The following CPLX1 variants were observed in gnomAD, a reference collection of about 807,000 sequenced individuals.
The protein encoded by CPLX1 is complexin-1.
In CPLX1, 6 loss-of-function variants were observed where a neutral mutation model predicts 15.6. The ratio of observed to expected loss-of-function variants is 0.39; its 90% confidence interval spans 0.21 to 0.76. CPLX1 has a LOEUF of 0.76. Among genes scored for constraint, CPLX1 ranks in the 30% least tolerant of loss-of-function variants. CPLX1 has a pLI of 0.43. For missense variants in CPLX1, 242 were observed against 188.6 expected, an observed-to-expected ratio of 1.28 and a Z score of -1.66; for synonymous variants, 91 against 75.2, an observed-to-expected ratio of 1.21 and a Z score of -1.08.
chr4:808,640 C>T (rs1746601118), intron 2 of CPLX1, among the ~76,000 whole-genome samples: 1 of 152,192 alleles, frequency 6.6e-6, no homozygotes, highest in Non-Finnish European at 1.5e-5. Context: ...CATCAGGCAG[C>T]TGCTCAGAGT....
chr4:803,295 A>ACAGT (rs971271125), intron 2 of CPLX1, among the ~76,000 whole-genome samples: 3 of 152,222 alleles, frequency 2.0e-5, no homozygotes, highest in Non-Finnish European at 4.4e-5. Context: ...AAGATAAGAC[A>ACAGT]CAGTCATGTG....
chr4:809,309 A>G (rs1012816542), intron 2 of CPLX1, among the ~76,000 whole-genome samples: 2 of 152,222 alleles, frequency 1.3e-5, no homozygotes, highest in Non-Finnish European at 2.9e-5. Flanking sequence ...GCAGGAGTGC[A>G]CGGGGTGGGG....
chr4:808,975 G>A (rs971161225), intron 2 of CPLX1, among the ~76,000 whole-genome samples: 4 of 152,270 alleles, frequency 2.6e-5, no homozygotes, highest in African/African-American at 9.6e-5. Flanking sequence ...CCAAAAATTG[G>A]TGGAGAGATA....
At chr4:825,876 G>A (rs1338380970) in intron 1 of CPLX1, among the ~76,000 whole-genome samples, 170 bp downstream of exon 1, 1 of 141,584 alleles carries the variant, frequency 7.1e-6, no homozygotes, top group African/African-American at 2.6e-5. Context: ...GAGGCCGGGG[G>A]GAGGAGCTGG....
At position 786,650 on chromosome 4, in the gene CPLX1, T is replaced by C. The variant is rs1212267340; in HGVS notation, c.256A>G (p.Met86Val). The C allele has an allele frequency of 3.7e-6, 6 of 1,608,862 alleles. No individual in the cohort carries two copies. The African/African-American group carries it at 5.4e-5, about 14-fold the overall frequency. ...EEREAEAQAAMEANSEGSLTR... is the reference protein window; with the variant it reads ...EEREAEAQAAVEANSEGSLTR... The stretch of plus-strand genomic sequence containing the variant: ...AAGCTCCCCTCGGAGTTGGCCTCCA[T>C]GGCGGCCTGGGCCTCGGCCTCGCGC... The change falls in exon 4 of 4, where the codon ATG becomes GTG. Residue 86 changes from methionine to valine, a missense_variant. Transcript: ENST00000304062.
chr4:796,742 C>T (rs927345936), intron 2 of CPLX1, among the ~76,000 whole-genome samples: 3 of 152,224 alleles, frequency 2.0e-5, no homozygotes, highest in African/African-American at 4.8e-5. Context: ...CGTCCATCCT[C>T]CCCAAACTCC....
rs749958304 is a variant in CPLX1, at chr4:786,597, C to G, written c.309G>C (p.Pro103=). 1.5e-5 allele frequency: 24 copies of G among 1,612,126 alleles called. No individual in the cohort carries two copies. In the South Asian group the frequency reaches 2.4e-4, roughly 16 times the overall value. ...SLTRPKKAIP[P]GCGDEVEEED... ...CCTCCTCCACCTCGTCCCCGCAGCC[C>G]GGCGGGATGGCCTTCTTGGGCCGCG... Residue 103 remains proline (P), a synonymous_variant, in exon 4 of 4, where the codon CCG becomes CCC. Transcript: ENST00000304062.
rs372963634 is a variant in CPLX1 at position 792,466 on chromosome 4, C to T, written c.174G>A (p.Glu58=). The T allele has an allele frequency of 8.7e-6, 14 of 1,609,688 alleles. No homozygotes were observed. Among genetic ancestry groups the T allele is most frequent in the East Asian group, 2.2e-5 (1 of 44,690 alleles). ...RKAKYAKMEA[E]REAVRQGIRD... ...GGATGCCCTGGCGCACGGCCTCGCG[C>T]TCCGCCTCCATCTTGGCGTACTTGG... The change falls in exon 3 of 4, where the codon GAG becomes GAA. Residue 58 remains glutamate (E), a synonymous_variant. Transcript: ENST00000304062.
intron 2 of CPLX1, among the ~76,000 whole-genome samples, chr4:797,751 A>G (rs949946883): frequency 3.3e-5 from 5 of 151,394 alleles, no homozygotes; most frequent in Non-Finnish European, 5.9e-5. Flanking sequence ...GGCTAACACA[A>G]TGAGACCCCG....
At position 792,547 on chromosome 4, in the gene CPLX1, G is replaced by C. The variant is rs763262947; in HGVS notation, c.93C>G (p.Ala31=). 1.2e-6 allele frequency: 2 copies of C among 1,613,296 alleles called. No individual in the cohort carries two copies. The highest frequency in any genetic ancestry group is 2.2e-5 in the South Asian group (2 of 91,046). ...CCTCCTGCCGCTCCTCCTCCTTCTTGGCGGCGTCTGGGTCCTTCTCCTCGT... is the reference window on the plus strand; with the variant it reads ...CCTCCTGCCGCTCCTCCTCCTTCTTCGCGGCGTCTGGGTCCTTCTCCTCGT... ...GGDEEKDPDA[A]KKEEERQEAL... The change falls in exon 3 of 4, where the codon GCC becomes GCG. Residue 31 remains alanine, a synonymous_variant. Transcript: ENST00000304062.
chr4:818,838 C>T (rs1456251566), intron 2 of CPLX1, among the ~76,000 whole-genome samples: 1 of 152,252 alleles, frequency 6.6e-6, no homozygotes, highest in African/African-American at 2.4e-5. Flanking sequence ...GCAAGGACAG[C>T]AGTGCCCGCG....
intron 2 of CPLX1, among the ~76,000 whole-genome samples, chr4:803,711 T>C (rs1310172859): frequency 6.6e-6 from 1 of 150,978 alleles, no homozygotes; most frequent in Non-Finnish European, 1.5e-5. Flanking sequence ...AGACCTGTTG[T>C]CCAGACTGGA....
intron 2 of CPLX1, among the ~76,000 whole-genome samples, chr4:821,420 C>A (rs1252138094): frequency 6.6e-6 from 1 of 152,204 alleles, no homozygotes; most frequent in Non-Finnish European, 1.5e-5. Flanking sequence ...CCCCGGCCCG[C>A]CTGCCCCACA....
At chr4:820,925 C>A (rs1042881451) in intron 2 of CPLX1, among the ~76,000 whole-genome samples, 5 of 152,192 alleles carry the variant, frequency 3.3e-5, no homozygotes, top group African/African-American at 7.2e-5. Flanking sequence ...GGCTCTCCCA[C>A]ACGGTGGAAC....
At chr4:787,467 A>C (rs1420587736) in intron 3 of CPLX1, 2 of 862,478 alleles carry the variant, frequency 2.3e-6, no homozygotes, top group Non-Finnish European at 2.8e-6. Context: ...TTGATCTCAT[A>C]ATGGTAAGGA....
intron 3 of CPLX1, among the ~76,000 whole-genome samples, chr4:791,601 G>A (rs1577470046): frequency 6.6e-6 from 1 of 152,188 alleles, no homozygotes; most frequent in African/African-American, 2.4e-5. Context: ...CAGCAGGGAG[G>A]GGTCCCGGGA....
chr4:824,573 G>T lies in CPLX1; in HGVS notation c.-51C>A, dbSNP rs755593075. On this transcript the variant is annotated 5_prime_UTR_variant, in exon 2 of 4. Coordinates refer to ENST00000304062, the MANE Select transcript of CPLX1 (RefSeq NM_006651.4). ...CTCCTCCAGGGGTCAGAACTCACACGCAAGTATGGCCGGGAGCGAGTGTTC... is the reference window on the plus strand; with the variant it reads ...CTCCTCCAGGGGTCAGAACTCACACTCAAGTATGGCCGGGAGCGAGTGTTC... The T allele has an allele frequency of 3.8e-6, 6 of 1,593,752 alleles. No homozygotes were observed. The highest frequency in any genetic ancestry group is 5.2e-6 in the Non-Finnish European group (6 of 1,162,664).
chr4:801,723 GAC>G (rs1316886954), intron 2 of CPLX1, among the ~76,000 whole-genome samples: 1 of 152,236 alleles, frequency 6.6e-6, no homozygotes, highest in Non-Finnish European at 1.5e-5. Flanking sequence ...GTCACCTAAT[GAC>G]ACAGTCCTCA....
At chr4:809,967 A>G (rs1003600113) in intron 2 of CPLX1, among the ~76,000 whole-genome samples, 1 of 151,198 alleles carries the variant, frequency 6.6e-6, no homozygotes, top group African/African-American at 2.4e-5. Context: ...CACGGTGTGG[A>G]TGCACACGGC....
Sources: gnomAD v4.1 joint callset for allele counts (sites outside exome capture counted in the v4.1 genomes callset) on GRCh38, gnomAD v4.1.1 for gene constraint, MANE v1.5 for transcripts, NCBI Gene and HGNC (gene_info 2026-07-23, HGNC 2026-07-21) for gene names.